The following PABPC1L variants were observed in gnomAD, a reference collection of about 807,000 sequenced individuals.
The protein encoded by PABPC1L is polyadenylate-binding protein 1-like.
In PABPC1L, 31 loss-of-function variants were observed where a neutral mutation model predicts 66.6. That is an observed-to-expected ratio of 0.47 (90% CI 0.35 to 0.63). The LOEUF is 0.63. Among genes scored for constraint, PABPC1L ranks in the 20% least tolerant of loss-of-function variants. The pLI is 0.00. For synonymous variants in PABPC1L, 348 were observed against 335.1 expected (o/e 1.04, Z -0.42); for missense variants, 722 against 848.8 (o/e 0.85, Z 1.86).
At position 44,910,303 on chromosome 20, in the gene PABPC1L, T is replaced by C; in HGVS notation, c.160T>C (p.Tyr54His). Residue 54 changes from tyrosine to histidine, a missense_variant, in exon 1 of 15, where the codon TAC becomes CAC. Around this residue, in one of 3 missense-constraint regions of PABPC1L, gnomAD observed 284 missense variants for 294.8 expected, o/e 0.96. Transcript: ENST00000217073. ...RDVATRRSLG[Y>H]AYINFQQPAD... ...TGTAGCCACCCGGCGCTCGCTGGGC[T>C]ACGCCTACATCAACTTCCAGCAGCC... The C allele has an allele frequency of 6.5e-7, 1 of 1,538,018 alleles. No homozygotes were observed. Among genetic ancestry groups the C allele is most frequent in the Non-Finnish European group, 8.8e-7 (1 of 1,138,892 alleles).
In PABPC1L at chr20:44,939,182, C is replaced by G. The variant is rs1555800673; in HGVS notation, c.*63C>G. 1 of 717,912 alleles carries G rather than the reference C, an allele frequency of 1.4e-6. No homozygotes were observed. Among genetic ancestry groups the G allele is most frequent in the Non-Finnish European group, 2.6e-6 (1 of 385,218 alleles). 44.5% of individuals were successfully genotyped at this position (717,912 alleles called of 1,614,324 possible). On this transcript the variant is annotated 3_prime_UTR_variant, in exon 15 of 15. Transcript: ENST00000217073. ...AAGGACAGTGTTTCTGGCTCTCAGC[C>G]CTAAGGCCCTGCAAACTCTAACTTA...
intron 12 of PABPC1L, among the ~76,000 whole-genome samples, chr20:44,937,427 T>C (rs961365228): frequency 1.3e-5 from 2 of 152,060 alleles, no homozygotes; most frequent in African/African-American, 4.8e-5. Flanking sequence ...TTTTTTTTTT[T>C]TCCCTGAGAT....
intron 12 of PABPC1L, 152 bp from the exon 13 acceptor site, chr20:44,937,909 T>C (rs2066913744): frequency 9.9e-7 from 1 of 1,007,688 alleles, no homozygotes; most frequent in African/African-American, 1.7e-5. Context: ...AAGTACCTGA[T>C]GTTAGAAGAT....
At chr20:44,926,320 G>A (rs532479666) in intron 7 of PABPC1L, among the ~76,000 whole-genome samples, 481 of 151,390 alleles carry the variant, frequency 3.2e-3, no homozygotes, top group Non-Finnish European at 5.8e-3. Context: ...TCCGCCTCCC[G>A]GGTTCAAGTG....
intron 8 of PABPC1L, chr20:44,932,067 A>C (rs1318387067): frequency 1.0e-5 from 3 of 289,076 alleles, no homozygotes; most frequent in Non-Finnish European, 1.9e-5. Context: ...CTTAAGCTGC[A>C]CAAGTTGGAG....
chr20:44,910,258 T>C lies in PABPC1L; in HGVS notation c.115T>C (p.Ser39Pro). The C allele has an allele frequency of 6.4e-7, 1 of 1,560,300 alleles. No homozygotes were observed. The highest frequency in any genetic ancestry group is 8.7e-7 in the Non-Finnish European group (1 of 1,152,218). The change falls in exon 1 of 15, where the codon TCC (serine) becomes CCC (proline). Residue 39 changes from serine to proline, a missense_variant. Physicochemically the swap from Ser to Pro is moderately conservative, Grantham distance 74. Transcript: ENST00000217073. The part of the protein sequence containing the change: ...EKFSPAGPIL[S>P]IRVCRDVATR... ...GTTCTCTCCCGCCGGCCCCATCCTGTCCATCCGCGTGTGCCGCGATGTAGC... is the reference window on the plus strand; with the variant it reads ...GTTCTCTCCCGCCGGCCCCATCCTGCCCATCCGCGTGTGCCGCGATGTAGC...
In PABPC1L at chr20:44,933,166, G is replaced by A. The variant is rs776092859; in HGVS notation, c.1440G>A (p.Val480=). ...RQASTQVPRT[V]PHTQRVANIG... ...CCTCCACCCAGGTGCCACGCACGGT[G>A]CCTCATACCCAGAGAGTAGGTGAGT... The change falls in exon 10 of 15, where the codon GTG becomes GTA. Residue 480 remains valine, a synonymous_variant. Transcript: ENST00000217073. 3 of 1,608,028 alleles carry A rather than the reference G, an allele frequency of 1.9e-6. No individual in the cohort carries two copies. In the Admixed American group the frequency reaches 5.1e-5, roughly 27 times the overall value.
At chr20:44,938,851 C>G in intron 14 of PABPC1L, 103 bp downstream of exon 14, 1 of 1,180,496 alleles carries the variant, frequency 8.5e-7, no homozygotes, top group Non-Finnish European at 1.2e-6. Context: ...GTGTTCCTGG[C>G]TTTCTCTGAA....
chr20:44,938,626 CCTG>C, intron 13 of PABPC1L, 45 bp from the exon 14 acceptor site: 1 of 1,561,100 alleles, frequency 6.4e-7, no homozygotes, highest in African/African-American at 1.4e-5. Flanking sequence ...TCTTCTGTGA[CCTG>C]CTAAGATAGC....
intron 1 of PABPC1L, 23 bp from the exon 2 acceptor site, chr20:44,912,637 T>C (rs2066712645): frequency 6.3e-7 from 1 of 1,577,216 alleles, no homozygotes; most frequent in Admixed American, 1.7e-5. Flanking sequence ...CTTGCTAATT[T>C]CTCTCCTCTT....
At chr20:44,918,669 G>A (rs770378102) in intron 3 of PABPC1L, among the ~76,000 whole-genome samples, 6 of 152,160 alleles carry the variant, frequency 3.9e-5, no homozygotes, top group Admixed American at 1.3e-4. Flanking sequence ...TGCATTTGTC[G>A]CAAGAATGAA....
chr20:44,919,117 G>T, intron 4 of PABPC1L, 66 bp from the exon 5 acceptor site: 1 of 1,613,550 alleles, frequency 6.2e-7, no homozygotes, highest in Non-Finnish European at 8.5e-7. Context: ...GTAGGGAGGA[G>T]GGGCTCTCCT....
At chr20:44,932,526 C>A in intron 9 of PABPC1L, 94 bp downstream of exon 9, 1 of 1,149,284 alleles carries the variant, frequency 8.7e-7, no homozygotes, top group Non-Finnish European at 1.3e-6. Flanking sequence ...GGCTCTGCCA[C>A]TTCCCAAGGT....
intron 5 of PABPC1L, among the ~76,000 whole-genome samples, chr20:44,921,199 G>A (rs1352052674): frequency 7.2e-6 from 1 of 138,534 alleles, no homozygotes; most frequent in Admixed American, 7.2e-5. Context: ...GCCCAGGCTG[G>A]AGTGCAATGG....
intron 12 of PABPC1L, among the ~76,000 whole-genome samples, chr20:44,937,508 G>A (rs946810668): frequency 2.0e-5 from 3 of 151,974 alleles, no homozygotes; most frequent in Non-Finnish European, 4.4e-5. Flanking sequence ...TCCACCTCCC[G>A]GGTTCAAGTG....
intron 2 of PABPC1L, among the ~76,000 whole-genome samples, chr20:44,915,299 A>G (rs534337271): frequency 2.8e-4 from 43 of 152,160 alleles, no homozygotes; most frequent in Non-Finnish European, 4.1e-4. Context: ...CCAGGCAGAA[A>G]ATGCCACTAG....
At chr20:44,922,425 A>G (rs956034199) in intron 6 of PABPC1L, among the ~76,000 whole-genome samples, 3 of 151,886 alleles carry the variant, frequency 2.0e-5, no homozygotes, top group African/African-American at 4.8e-5. Flanking sequence ...TTTAGTAGAG[A>G]CAGGGTTTCA....
intron 12 of PABPC1L, 46 bp from the exon 13 acceptor site, chr20:44,938,015 G>A: frequency 6.2e-7 from 1 of 1,611,888 alleles, no homozygotes; most frequent in Non-Finnish European, 8.5e-7. Flanking sequence ...GGATGCTGGG[G>A]TGTGAGCTAG....
intron 7 of PABPC1L, among the ~76,000 whole-genome samples, chr20:44,929,607 C>T (rs2066835526): frequency 6.6e-6 from 1 of 151,922 alleles, no homozygotes; most frequent in Non-Finnish European, 1.5e-5. Flanking sequence ...CCAGCCTGGC[C>T]AACATGGTGA....
Sources: gnomAD v4.1 joint callset for allele counts (sites outside exome capture counted in the v4.1 genomes callset) on GRCh38, gnomAD v4.1.1 for gene constraint, gnomAD v4.1.1 regional missense constraint, MANE v1.5 for transcripts, NCBI Gene and HGNC (gene_info 2026-07-23, HGNC 2026-07-21) for gene names.